The following RASSF3 variants were observed in gnomAD, a reference collection of about 807,000 sequenced individuals.
RASSF3 encodes the protein ras association domain-containing protein 3.
In RASSF3, 19 loss-of-function variants were observed where a neutral mutation model predicts 19.9. The observed-to-expected ratio is 0.96, with a 90% CI of 0.67 to 1.40. RASSF3 has a LOEUF of 1.40. Among genes scored for constraint, RASSF3 ranks in the 40% most tolerant of loss-of-function variants. RASSF3 has a pLI of 0.00. For missense variants in RASSF3, 306 were observed against 289.8 expected (o/e 1.06, Z -0.41); for synonymous variants, 110 against 104.2 (o/e 1.06, Z -0.34).
intron 2 of RASSF3, among the ~76,000 whole-genome samples, chr12:64,580,362 C>T (rs1346074302): frequency 6.6e-6 from 1 of 151,984 alleles, no homozygotes; most frequent in Admixed American, 6.6e-5. Context: ...TTATTATATT[C>T]ATTTTCTAGA....
downstream of RASSF3, among the ~76,000 whole-genome samples, chr12:64,542,290 T>C (rs1367221087): frequency 6.6e-6 from 1 of 152,150 alleles, no homozygotes; most frequent in African/African-American, 2.4e-5. Context: ...ATTCTGCCAC[T>C]GTACTCCATC....
chr12:64,510,982 C>G (rs553074610), intron 1 of RASSF3, among the ~76,000 whole-genome samples: 1 of 152,272 alleles, frequency 6.6e-6, no homozygotes, highest in East Asian at 1.9e-4. Flanking sequence ...TGACTTTGAG[C>G]AAGTCACTTA....
chr12:64,650,877 C>T (rs1264413789), intron 1 of RASSF3, among the ~76,000 whole-genome samples: 6 of 152,092 alleles, frequency 3.9e-5, no homozygotes, highest in East Asian at 1.9e-4. Context: ...ACCCTTGCAC[C>T]GAGTATTTAC....
intron 1 of RASSF3, among the ~76,000 whole-genome samples, chr12:64,661,706 A>G: frequency 8.8e-6 from 1 of 113,784 alleles, no homozygotes; most frequent in East Asian, 2.5e-4. Context: ...TTTTTGAGAC[A>G]GGGTCTCATG....
chr12:64,608,602 A>G (rs149002514), upstream of RASSF3, among the ~76,000 whole-genome samples: 1 of 152,222 alleles, frequency 6.6e-6, no homozygotes, highest in Non-Finnish European at 1.5e-5. Flanking sequence ...CCGGCCAATA[A>G]AGCATTTTAA....
At chr12:64,665,080 G>A (rs1196317800) in intron 1 of RASSF3, among the ~76,000 whole-genome samples, 2 of 152,192 alleles carry the variant, frequency 1.3e-5, no homozygotes, top group Non-Finnish European at 2.9e-5. Context: ...GAAGTCCTCT[G>A]TTGGTCATAG....
intron 1 of RASSF3, among the ~76,000 whole-genome samples, chr12:64,508,085 AT>A (rs1868302810): frequency 6.6e-6 from 1 of 152,166 alleles, no homozygotes; most frequent in Non-Finnish European, 1.5e-5. Context: ...AATTCTCATT[AT>A]GTTTCTTTCA....
chr12:64,691,650 G>C, intron 4 of RASSF3, 71 bp downstream of exon 4: 4 of 1,066,926 alleles, frequency 3.7e-6, no homozygotes, highest in Non-Finnish European at 5.8e-6. Flanking sequence ...GTAGCCTAGT[G>C]ACTTGGCTAT....
At chr12:64,610,221 G>A (rs1286453469), upstream of RASSF3, among the ~76,000 whole-genome samples, 1 of 152,146 alleles carries the variant, frequency 6.6e-6, no homozygotes, top group Non-Finnish European at 1.5e-5. Context: ...CCGGGAGGTT[G>A]AGGAAGCGAC....
chr12:64,621,587 C>T (rs1288929653), intron 1 of RASSF3, among the ~76,000 whole-genome samples: 7 of 152,186 alleles, frequency 4.6e-5, no homozygotes, highest in Admixed American at 2.6e-4. Flanking sequence ...AAGTGATTCT[C>T]CTGCTTCATC....
At chr12:64,680,913 G>A (rs777987851) in intron 1 of RASSF3, among the ~76,000 whole-genome samples, 13 of 152,224 alleles carry the variant, frequency 8.5e-5, no homozygotes, top group Admixed American at 6.5e-4. Context: ...CGCCCAGCCA[G>A]TTTCCTTAGT....
At chr12:64,671,140 G>A (rs550669545) in intron 1 of RASSF3, among the ~76,000 whole-genome samples, 120 of 152,276 alleles carry the variant, frequency 7.9e-4, no homozygotes, top group Admixed American at 1.4e-3. Context: ...CAAGAATTTG[G>A]GTTGGCTAAT....
chr12:64,609,737 A>AT (rs1191202557), upstream of RASSF3, among the ~76,000 whole-genome samples: 2 of 152,032 alleles, frequency 1.3e-5, no homozygotes, highest in African/African-American at 2.4e-5. Flanking sequence ...TGGCGGGGAC[A>AT]TTTACAAAGC....
upstream of RASSF3, among the ~76,000 whole-genome samples, chr12:64,607,422 T>A (rs1032055034): frequency 6.6e-6 from 1 of 152,252 alleles, no homozygotes; most frequent in East Asian, 1.9e-4. Flanking sequence ...CAGGATAGAG[T>A]GCAGTGGCGT....
At position 64,526,551 on chromosome 12, in the gene RASSF3, TA is replaced by T. The variant is rs1280371860; in HGVS notation, c.170-15027del. ...TTTAAAAAATGAGTTGTTTTTTTTT[TA>T]AATTTTTTAAAGACAGGGTCTTGCT... On this transcript the variant is annotated intron_variant, in intron 1 of 5. Coordinates refer to the RASSF3 transcript ENST00000637125. Among the ~76,000 whole-genome samples, 17 of 147,520 alleles carry T rather than the reference TA, an allele frequency of 1.2e-4. No homozygotes were observed. In the East Asian group the frequency reaches 2.0e-3, roughly 18 times the overall value.
At chr12:64,563,137 T>C (rs1869374873) in intron 2 of RASSF3, among the ~76,000 whole-genome samples, 1 of 151,966 alleles carries the variant, frequency 6.6e-6, no homozygotes, top group African/African-American at 2.4e-5. Context: ...ATAATATTTT[T>C]TTCTTTTTTT....
At chr12:64,590,234 A>G (rs1869896512) in intron 2 of RASSF3, among the ~76,000 whole-genome samples, 1 of 149,694 alleles carries the variant, frequency 6.7e-6, no homozygotes, top group African/African-American at 2.5e-5. Context: ...ACCCTGTCAA[A>G]AAAAAAAAAA....
chr12:64,551,555 G>A (rs1050865848), intron 2 of RASSF3, among the ~76,000 whole-genome samples: 2 of 152,146 alleles, frequency 1.3e-5, no homozygotes, highest in Admixed American at 1.3e-4. Flanking sequence ...CAATCTGGGA[G>A]ACAGAGTAAG....
chr12:64,604,889 T>G (rs1239800415), intron 2 of RASSF3, among the ~76,000 whole-genome samples: 2 of 152,120 alleles, frequency 1.3e-5, no homozygotes, highest in Admixed American at 6.5e-5. Context: ...CCTCCCAAAG[T>G]GCCGGGATTA....
Sources: gnomAD v4.1 joint callset for allele counts (sites outside exome capture counted in the v4.1 genomes callset) on GRCh38, gnomAD v4.1.1 for gene constraint, MANE v1.5 for transcripts, NCBI Gene and HGNC (gene_info 2026-07-23, HGNC 2026-07-21) for gene names.